The following WDR19 variants were observed in gnomAD, a reference collection of about 807,000 sequenced individuals.
WDR19 encodes the protein WD repeat domain 19, also known as WD repeat-containing protein 19.
In WDR19, 121 loss-of-function variants were observed where a neutral mutation model predicts 180.0. That is an observed-to-expected ratio of 0.67 (90% CI 0.58 to 0.78). The LOEUF is 0.78. Ranked by LOEUF, WDR19 falls within the 30% of genes least tolerant of loss-of-function variation. WDR19 has a pLI of 0.00. For missense variants in WDR19, 1,450 were observed against 1,640.7 expected (o/e 0.88, Z 2.01); for synonymous variants, 497 against 540.7 (o/e 0.92, Z 1.12).
At chr4:39,234,970 T>G in intron 20 of WDR19, 95 bp downstream of exon 20, 1 of 700,088 alleles carries the variant, frequency 1.4e-6, no homozygotes, top group East Asian at 2.8e-5. Flanking sequence ...CTCCATTGAT[T>G]TAATAATTTT....
At chr4:39,186,991 C>T (rs2109744866) in intron 3 of WDR19, among the ~76,000 whole-genome samples, 1 of 152,288 alleles carries the variant, frequency 6.6e-6, no homozygotes, top group Non-Finnish European at 1.5e-5. Flanking sequence ...TTCCACATAA[C>T]TTTGTAAAGG....
intron 14 of WDR19, chr4:39,218,573 GGTGAGTGA>G (rs752870217): frequency 6.5e-6 from 1 of 153,526 alleles, no homozygotes; most frequent in Non-Finnish European, 1.4e-5. Flanking sequence ...AATGGCTCTG[GGTGAGTGA>G]GTGAGTGAGT....
intron 36 of WDR19, among the ~76,000 whole-genome samples, chr4:39,279,615 T>C (rs919815020): frequency 6.6e-6 from 1 of 151,996 alleles, no homozygotes; most frequent in Non-Finnish European, 1.5e-5. Flanking sequence ...TCCACAGAAG[T>C]TGCACCCTCT....
At chr4:39,273,879 T>C (rs920383759) in intron 32 of WDR19, 1 of 152,180 alleles carries the variant, frequency 6.6e-6, no homozygotes, top group Non-Finnish European at 1.5e-5. Flanking sequence ...CATTCTTAAG[T>C]GATTAAATAC....
Position 39,255,870 on chromosome 4 carries a change from A to G in WDR19, c.3024A>G (p.Glu1008=). Residue 1008 remains glutamate, a synonymous_variant, in exon 27 of 37, where the codon GAA becomes GAG. Transcript: ENST00000399820. ...DIIGSEDTTN[E]DYQSIALYFE... is the part of the protein sequence containing the mutation. ...CAGGTTCTGAAGACACTACTAATGA[A>G]GACTATCAAAGCATTGCCTTATACT... The G allele has an allele frequency of 1.2e-6, 2 of 1,602,950 alleles. No homozygotes were observed. Among genetic ancestry groups the G allele is most frequent in the East Asian group, 2.2e-5 (1 of 44,704 alleles).
chr4:39,183,873 A>T (rs1725238653), intron 1 of WDR19, among the ~76,000 whole-genome samples: 1 of 152,222 alleles, frequency 6.6e-6, no homozygotes, highest in African/African-American at 2.4e-5. Flanking sequence ...CACTGAAAAA[A>T]AATAATATGA....
chr4:39,224,848 T>C, intron 14 of WDR19, 36 bp from the exon 15 acceptor site: 2 of 1,477,880 alleles, frequency 1.4e-6, no homozygotes, highest in Non-Finnish European at 1.8e-6. Flanking sequence ...TGACTACCTT[T>C]TATATTTTCA....
chr4:39,185,610 C>G, intron 1 of WDR19, 116 bp from the exon 2 acceptor site: 4 of 948,240 alleles, frequency 4.2e-6, no homozygotes, highest in Non-Finnish European at 6.5e-6. Flanking sequence ...CTAACATAAT[C>G]CTCACTATCC....
chr4:39,221,293 G>T (rs1301463145), intron 14 of WDR19, among the ~76,000 whole-genome samples: 2 of 152,122 alleles, frequency 1.3e-5, no homozygotes, highest in African/African-American at 2.4e-5. Context: ...AGATACTGAA[G>T]ATTGAGAGGC....
chr4:39,272,347 G>A (rs1735454620), intron 31 of WDR19, among the ~76,000 whole-genome samples: 2 of 152,138 alleles, frequency 1.3e-5, no homozygotes, highest in African/African-American at 4.8e-5. Context: ...CCCAAGGGTT[G>A]GCATCATTCC....
chr4:39,195,402 A>AC lies in WDR19; in HGVS notation c.406+743_406+744insC, dbSNP rs1726653430. ...AACAAAAAAACAAACAAACAAAAAA[A>AC]AACATTTACTGCTTGGATAGAAGCA... On this transcript the variant is annotated intron_variant, in intron 5 of 36. Coordinates refer to ENST00000399820, the MANE Select transcript of WDR19 (RefSeq NM_025132.4). Among the ~76,000 whole-genome samples, 24 of 151,842 alleles carry AC rather than the reference A, an allele frequency of 1.6e-4. No individual in the cohort carries two copies. In the South Asian group the frequency reaches 5.0e-3, roughly 32 times the overall value.
intron 20 of WDR19, among the ~76,000 whole-genome samples, chr4:39,239,118 C>T (rs771375344): frequency 2.0e-4 from 30 of 152,038 alleles, no homozygotes; most frequent in Non-Finnish European, 5.9e-5. Context: ...GCTGGGATTA[C>T]AGGCGCATGC....
intron 9 of WDR19, among the ~76,000 whole-genome samples, chr4:39,206,960 G>A (rs760649597): frequency 4.6e-5 from 7 of 152,140 alleles, no homozygotes; most frequent in Non-Finnish European, 1.0e-4. Flanking sequence ...ACAAGGTCCA[G>A]AATAGAACCC....
At position 39,231,796 on chromosome 4, in the gene WDR19, G is replaced by C; in HGVS notation, c.1983-1G>C. ...ATTAAGCTTATGTTCTTACATCCCA[G>C]GTTTTCTGATGCTTGGGAAATGTGC... On this transcript the variant is annotated splice_acceptor_variant, in intron 17 of 36. Transcript: ENST00000399820. LOFTEE classifies it high-confidence loss of function. The C allele has an allele frequency of 6.3e-7, 1 of 1,577,306 alleles. No individual in the cohort carries two copies. Among genetic ancestry groups the C allele is most frequent in the Non-Finnish European group, 8.7e-7 (1 of 1,153,948 alleles).
At chr4:39,237,164 A>G (rs1174777370) in intron 20 of WDR19, among the ~76,000 whole-genome samples, 1 of 152,206 alleles carries the variant, frequency 6.6e-6, no homozygotes, top group Non-Finnish European at 1.5e-5. Flanking sequence ...GATTTTTTCT[A>G]TAAAACATTT....
chr4:39,264,405 G>A (rs1347965454), intron 28 of WDR19, among the ~76,000 whole-genome samples: 2 of 152,198 alleles, frequency 1.3e-5, no homozygotes, highest in Non-Finnish European at 2.9e-5. Context: ...TGAAAGCCTA[G>A]CTTTTTCCCC....
At chr4:39,242,819 G>A (rs1186163399) in intron 21 of WDR19, among the ~76,000 whole-genome samples, 2 of 152,056 alleles carry the variant, frequency 1.3e-5, no homozygotes, top group African/African-American at 4.8e-5. Context: ...ACAGGCATGG[G>A]CCACCACGAT....
Position 39,274,906 on chromosome 4 carries a change from T to C in WDR19, c.3664T>C (p.Tyr1222His). 1 of 1,614,032 alleles carries C rather than the reference T, an allele frequency of 6.2e-7. No homozygotes were observed. Among genetic ancestry groups the C allele is most frequent in the Non-Finnish European group, 8.5e-7 (1 of 1,179,894 alleles). The stretch of plus-strand genomic sequence containing the variant: ...CGCAGCTATGTTGATGAGGCCTGAA[T>C]ACCGCAGCAAAATAGATGCCAAATA... ...SFAAMLMRPE[Y>H]RSKIDAKYKK... is the part of the protein sequence containing the mutation. The change falls in exon 33 of 37, where the codon TAC (tyrosine) becomes CAC (histidine). Residue 1222 changes from tyrosine (Y) to histidine (H), a missense_variant. By Grantham distance (83) the Tyr-to-His change is moderately conservative. Coordinates refer to ENST00000399820, the MANE Select transcript of WDR19 (RefSeq NM_025132.4).
At position 39,278,282 on chromosome 4, in the gene WDR19, G is replaced by T. The variant is rs757153103; in HGVS notation, c.3917+75G>T. The T allele has an allele frequency of 8.7e-6, 12 of 1,379,564 alleles. No homozygotes were observed. The East Asian group carries it at 3.0e-4, about 34-fold the overall frequency. 85.5% of individuals were successfully genotyped at this position (1,379,564 alleles called of 1,614,324 possible). ...CCTTTCATTCTACCTCTTTTCTTCC[G>T]AAGCATTCTTCTATTTGTGTTCCTA... On this transcript the variant is annotated intron_variant, in intron 35 of 36. Transcript: ENST00000399820.
Sources: allele counts gnomAD v4.1 joint callset (sites outside exome capture counted in the v4.1 genomes callset), GRCh38; gene constraint gnomAD v4.1.1; transcripts MANE v1.5; gene names NCBI Gene and HGNC (gene_info 2026-07-23, HGNC 2026-07-21).